The following TRIM8 variants were observed in gnomAD, a reference collection of about 807,000 sequenced individuals.
The protein encoded by TRIM8 is E3 ubiquitin-protein ligase TRIM8.
In TRIM8, 9 loss-of-function variants were observed where a neutral mutation model predicts 55.7. That is an observed-to-expected ratio of 0.16 (90% CI 0.10 to 0.28). TRIM8 has a LOEUF of 0.28. Ranked by LOEUF, TRIM8 falls within the 10% of genes least tolerant of loss-of-function variation. The pLI, the probability that TRIM8 is intolerant of heterozygous loss-of-function variation, is 1.00. For missense variants in TRIM8, 556 were observed against 736.4 expected, an observed-to-expected ratio of 0.76 and a Z score of 2.83; for synonymous variants, 335 against 333.3, an observed-to-expected ratio of 1.01 and a Z score of -0.06.
chr10:102,646,539 G>GC (rs923473326), intron 1 of TRIM8, among the ~76,000 whole-genome samples: 1 of 152,214 alleles, frequency 6.6e-6, no homozygotes, highest in Non-Finnish European at 1.5e-5. Flanking sequence ...GCCACCACAG[G>GC]CTGGGGCGGG....
chr10:102,655,291 C>T lies in TRIM8; in HGVS notation c.878C>T (p.Thr293Met), dbSNP rs753886521. 2.7e-5 allele frequency: 44 copies of T among 1,602,978 alleles called. No homozygotes were observed. Among genetic ancestry groups the T allele is most frequent in the South Asian group, 3.3e-5 (3 of 89,578 alleles). Reference sequence around the variant, plus strand: ...TCCCTGCAGCTGCTCTTTGATAAGACGGAGGATGTCAGCTTCATGAAGGTG... The same window carrying T: ...TCCCTGCAGCTGCTCTTTGATAAGATGGAGGATGTCAGCTTCATGAAGGTG... ...LGSLQLLFDK[T>M]EDVSFMKNTK... The change falls in exon 3 of 6, where the codon ACG (threonine) becomes ATG (methionine). Residue 293 changes from threonine (T) to methionine (M), a missense_variant. Transcript: ENST00000643721.
chr10:102,646,233 A>G (rs2063934263), intron 1 of TRIM8, among the ~76,000 whole-genome samples: 1 of 152,138 alleles, frequency 6.6e-6, no homozygotes, highest in East Asian at 1.9e-4. Context: ...GGGTTGAGTC[A>G]TACCAAAATG....
chr10:102,654,834 T>A, intron 2 of TRIM8, 86 bp downstream of exon 2: 1 of 1,095,318 alleles, frequency 9.1e-7, no homozygotes, highest in Non-Finnish European at 1.4e-6. Context: ...ATTGATTGTG[T>A]AGCCCTATGC....
At chr10:102,655,975 T>A in intron 3 of TRIM8, 131 bp from the exon 4 acceptor site, 26 of 1,346,398 alleles carry the variant, frequency 1.9e-5, no homozygotes, top group Non-Finnish European at 2.3e-5. Flanking sequence ...CCCCTGCCAC[T>A]TTCTGTCCAG....
chr10:102,653,149 T>C (rs1266130742), intron 1 of TRIM8, among the ~76,000 whole-genome samples: 1 of 152,220 alleles, frequency 6.6e-6, no homozygotes, highest in African/African-American at 2.4e-5. Context: ...ATATGACTAG[T>C]GGCTACCATA....
Position 102,651,537 on chromosome 10 carries a change from C to A in TRIM8, c.571-3116C>A, listed in dbSNP as rs140574564. Among the ~76,000 whole-genome samples the A allele has an allele frequency of 2.0e-3, 299 of 152,362 alleles. 2 individuals are homozygous for A. The highest frequency in any genetic ancestry group is 7.0e-3 in the African/African-American group (291 of 41,588). On this transcript the variant is annotated intron_variant, in intron 1 of 5. Coordinates refer to ENST00000643721, the MANE Select transcript of TRIM8 (RefSeq NM_030912.3). ...TTTCCTACCCCTCCCCTGGGACTCA[C>A]CTGAATCCTCCCTGAACCAGCTCCT... is the stretch of plus-strand genomic sequence containing the variant.
At position 102,656,567 on chromosome 10, in the gene TRIM8, T is replaced by G. The variant is rs1336194085; in HGVS notation, c.1049-180T>G. 1 of 1,311,586 alleles carries G rather than the reference T, an allele frequency of 7.6e-7. No homozygotes were observed. The highest frequency in any genetic ancestry group is 2.5e-5 in the East Asian group (1 of 39,744). 81.2% of individuals were successfully genotyped at this position (1,311,586 alleles called of 1,614,324 possible). ...CATGACCTCCCCAGCCTCCATTTCT[T>G]CAGCTTAAAGTGGGGATATAACTAT... is the stretch of plus-strand genomic sequence containing the variant. On this transcript the variant is annotated intron_variant, in intron 5 of 5. Coordinates refer to ENST00000643721, the MANE Select transcript of TRIM8 (RefSeq NM_030912.3). This position sits in a 1 kb window ranked among gnomAD's most constrained non-coding sequence, Gnocchi z 4.6.
rs2064022281 is a variant in TRIM8 at position 102,656,169 on chromosome 10, A to G, written c.932+32A>G. On this transcript the variant is annotated intron_variant, in intron 4 of 5. Transcript: ENST00000643721. This position sits in a 1 kb window ranked among gnomAD's most constrained non-coding sequence, Gnocchi z 4.6. ...TGAGGGCCCTAGCCCTCCCGGGGGC[A>G]CATCCTGGGGAGGGCAGGGGGGCCA... 1 of 1,614,120 alleles carries G rather than the reference A, an allele frequency of 6.2e-7. No individual in the cohort carries two copies.
chr10:102,644,578 A>T lies in TRIM8; in HGVS notation c.-40A>T, dbSNP rs4146426. The T allele has an allele frequency of 0.057, 89,794 of 1,583,694 alleles. 3,808 individuals are homozygous for T. The highest frequency in any genetic ancestry group is 0.21 in the East Asian group (8,947 of 43,244). ...TCCGGACGGACCCCCGGGGCTGGGGAGTCGGGGAGGCCTGCCCCGGCCCCC... is the reference window on the plus strand; with the variant it reads ...TCCGGACGGACCCCCGGGGCTGGGGTGTCGGGGAGGCCTGCCCCGGCCCCC... On this transcript the variant is annotated 5_prime_UTR_variant, in exon 1 of 6. Transcript: ENST00000643721.
intron 1 of TRIM8, 25 bp from the exon 2 acceptor site, chr10:102,654,628 T>C (rs1252862062): frequency 1.3e-6 from 2 of 1,585,512 alleles, no homozygotes; most frequent in East Asian, 2.2e-5. Context: ...GTCCCTCTGA[T>C]ACTCCCACCC....
At chr10:102,648,547 T>C (rs906070382) in intron 1 of TRIM8, among the ~76,000 whole-genome samples, 3 of 152,180 alleles carry the variant, frequency 2.0e-5, no homozygotes, top group African/African-American at 4.8e-5. Context: ...GGTTTGCCCC[T>C]GCTTGGAGTG....
In TRIM8 at chr10:102,644,916, C is replaced by A. The variant is rs780693332; in HGVS notation, c.299C>A (p.Pro100Gln). 4 of 1,605,590 alleles carry A rather than the reference C, an allele frequency of 2.5e-6. No individual in the cohort carries two copies. Among genetic ancestry groups the A allele is most frequent in the South Asian group, 1.1e-5 (1 of 90,458 alleles). The change falls in exon 1 of 6, where the codon CCG becomes CAG. Residue 100 changes from proline (P) to glutamine (Q), a missense_variant. Pro to Gln is a moderately conservative substitution (Grantham distance 76, BLOSUM62 -1). Around this residue, in one of 2 missense-constraint regions of TRIM8, gnomAD observed 165 missense variants for 295.3 expected, o/e 0.56. Transcript: ENST00000643721. ...TGCGTGTTCTGCCGCCGCGGCCCCC[C>A]GCTGCCCGCGCAGAAGGTCTGCCTG... ...LHCVFCRRGP[P>Q]LPAQKVCLRC...
chr10:102,647,239 T>C (rs1165263850), intron 1 of TRIM8, among the ~76,000 whole-genome samples: 3 of 152,246 alleles, frequency 2.0e-5, no homozygotes, highest in Non-Finnish European at 2.9e-5. Flanking sequence ...TGTGCGTGTG[T>C]GCGTGTGTGT....
chr10:102,656,005 C>T lies in TRIM8; in HGVS notation c.901-101C>T. ...GTCCAGAATGAGAGGATCCACCCAGCCTGGGGGAGGCTCAGGGGGGGCAGC... is the reference window on the plus strand; with the variant it reads ...GTCCAGAATGAGAGGATCCACCCAGTCTGGGGGAGGCTCAGGGGGGGCAGC... On this transcript the variant is annotated intron_variant, in intron 3 of 5. Transcript: ENST00000643721. The surrounding 1 kb of genome is among the most constrained non-coding windows in gnomAD (Gnocchi z 4.6). The T allele has an allele frequency of 2.6e-6, 4 of 1,566,516 alleles. No homozygotes were observed. Among genetic ancestry groups the T allele is most frequent in the Non-Finnish European group, 3.5e-6 (4 of 1,137,724 alleles).
At chr10:102,650,505 C>T (rs2063976047) in intron 1 of TRIM8, among the ~76,000 whole-genome samples, 1 of 152,124 alleles carries the variant, frequency 6.6e-6, no homozygotes, top group Admixed American at 6.5e-5. Context: ...CTCCCTGGGC[C>T]CCACCTAGTC....
Position 102,657,484 on chromosome 10 carries a change from T to C in TRIM8, c.*130T>C. 1.7e-6 allele frequency: 2 copies of C among 1,197,334 alleles called. No homozygotes were observed. Among genetic ancestry groups the C allele is most frequent in the Non-Finnish European group, 2.3e-6 (2 of 884,708 alleles). The allele number at this position is 1,197,334 out of a possible 1,614,324, so 74.2% of individuals were successfully genotyped here. ...TCCTCATTCCATTGCCCCAGGTCTT[T>C]TCCTTTTGGATTTTGTTTTGGTTTT... On this transcript the variant is annotated 3_prime_UTR_variant, in exon 6 of 6. Coordinates refer to ENST00000643721, the MANE Select transcript of TRIM8 (RefSeq NM_030912.3).
intron 1 of TRIM8, among the ~76,000 whole-genome samples, chr10:102,651,112 C>A (rs1352306780): frequency 6.6e-6 from 1 of 152,186 alleles, no homozygotes; most frequent in Admixed American, 6.5e-5. Flanking sequence ...CTTCCTCTTC[C>A]TGCTCTCACT....
chr10:102,654,584 G>C (rs1357398049), intron 1 of TRIM8, 69 bp from the exon 2 acceptor site: 2 of 1,211,732 alleles, frequency 1.7e-6, no homozygotes, highest in Non-Finnish European at 2.5e-6. Flanking sequence ...CATGTGTTGT[G>C]TAGAGGGAAG....
At position 102,644,607 on chromosome 10, in the gene TRIM8, C is replaced by T. The variant is rs759312844; in HGVS notation, c.-11C>T. ...GGGGAGGCCTGCCCCGGCCCCCTGC[C>T]CGCGGCCGCCATGGCGGAGAATTGG... On this transcript the variant is annotated 5_prime_UTR_variant, in exon 1 of 6. Transcript: ENST00000643721. 30 of 1,609,690 alleles carry T rather than the reference C, an allele frequency of 1.9e-5. No individual in the cohort carries two copies. The South Asian group carries it at 3.1e-4, about 17-fold the overall frequency.
Sources: allele counts gnomAD v4.1 joint callset (sites outside exome capture counted in the v4.1 genomes callset), GRCh38; gene constraint gnomAD v4.1.1; regional missense constraint gnomAD v4.1.1; non-coding constraint Gnocchi (gnomAD v3.1); transcripts MANE v1.5; gene names NCBI Gene and HGNC (gene_info 2026-07-23, HGNC 2026-07-21).